Variants in POLR1C observed in about 807,000 individuals in gnomAD.
POLR1C encodes RNA polymerase I and III subunit C, also known as DNA-directed RNA polymerases I and III subunit RPAC1.
In POLR1C, 42 loss-of-function variants were observed where a neutral mutation model predicts 38.3. That is an observed-to-expected ratio of 1.10 (90% CI 0.86 to 1.42). The LOEUF (loss-of-function observed/expected upper bound fraction) is 1.42. POLR1C is among the 40% of genes most tolerant of loss of function. The pLI, the probability that POLR1C is intolerant of heterozygous loss-of-function variation, is 0.00. For missense variants in POLR1C, 507 were observed against 450.5 expected, an observed-to-expected ratio of 1.13 and a Z score of -1.14; for synonymous variants, 163 against 163.9, an observed-to-expected ratio of 0.99 and a Z score of 0.04.
chr6:43,553,708 T>G, intron 10 of POLR1C: 6 of 1,112,884 alleles, frequency 5.4e-6, no homozygotes, highest in Non-Finnish European at 7.1e-6. Flanking sequence ...AGGTGAAGGT[T>G]CCTACCATGC....
chr6:43,546,573 T>C, intron 9 of POLR1C: 1 of 1,606,858 alleles, frequency 6.2e-7, no homozygotes. Context: ...TGACTCACCT[T>C]ATAAGCGCAA....
At chr6:43,519,048 A>C (rs983576219) in intron 2 of POLR1C, 1 of 462,742 alleles carries the variant, frequency 2.2e-6, no homozygotes, top group Non-Finnish European at 4.0e-6. Flanking sequence ...AGTGTCAACA[A>C]AACTAAGCAC....
intron 10 of POLR1C, chr6:43,556,098 TA>T: frequency 8.5e-7 from 1 of 1,171,908 alleles, no homozygotes; most frequent in Non-Finnish European, 1.2e-6. Flanking sequence ...GCTTTGCATG[TA>T]ATAATCACTC....
intron 10 of POLR1C, among the ~76,000 whole-genome samples, chr6:43,561,225 T>C (rs751248378): frequency 6.6e-6 from 1 of 152,032 alleles, no homozygotes; most frequent in African/African-American, 2.4e-5. Flanking sequence ...TACTCAATCA[T>C]CATCATTAAA....
At chr6:43,521,813 G>A (rs149779649), downstream of POLR1C, among the ~76,000 whole-genome samples, 244 of 152,296 alleles carry the variant, frequency 1.6e-3, no homozygotes, top group African/African-American at 5.5e-3. Context: ...GATTACAGGT[G>A]TGAGCCACCG....
Position 43,526,681 on chromosome 6 carries a change from T to C in POLR1C, c.923-2568T>C, listed in dbSNP as rs780215137. Reference sequence around the variant, plus strand: ...GAACTCCAAGGTCTCACAGGCTCACTTACCGTCTCCATCTGCTGGGGGAGC... The same window carrying C: ...GAACTCCAAGGTCTCACAGGCTCACCTACCGTCTCCATCTGCTGGGGGAGC... On this transcript the variant is annotated intron_variant, in intron 8 of 8. Coordinates refer to the POLR1C transcript ENST00000304004. The C allele has an allele frequency of 6.2e-6, 10 of 1,613,882 alleles. No individual in the cohort carries two copies. In the South Asian group the frequency reaches 1.1e-4, roughly 18 times the overall value.
chr6:43,538,945 G>A (rs911963996), intron 9 of POLR1C: 18 of 1,331,626 alleles, frequency 1.4e-5, no homozygotes, highest in Admixed American at 5.1e-5. Flanking sequence ...TCCAGAGGTC[G>A]GGGGTCAGGT....
chr6:43,536,398 C>G (rs111994270), intron 9 of POLR1C, among the ~76,000 whole-genome samples: 4,924 of 143,324 alleles, frequency 0.034, 258 homozygotes, highest in African/African-American at 0.12. Flanking sequence ...CTGCGCAACA[C>G]AGTGAGACTC....
chr6:43,541,971 G>A (rs971937291), intron 9 of POLR1C, among the ~76,000 whole-genome samples: 3 of 151,940 alleles, frequency 2.0e-5, no homozygotes, highest in African/African-American at 7.3e-5. Context: ...GTAGAGATGG[G>A]GTTTCACCAT....
chr6:43,521,692 TC>T (rs1223198921), downstream of POLR1C, among the ~76,000 whole-genome samples: 1 of 151,938 alleles, frequency 6.6e-6, no homozygotes, highest in Non-Finnish European at 1.5e-5. Flanking sequence ...TAGCTATATG[TC>T]TAATTTTTTG....
At chr6:43,531,398 G>T, downstream of POLR1C, 1 of 1,320,584 alleles carries the variant, frequency 7.6e-7, no homozygotes, top group Non-Finnish European at 1.1e-6. Context: ...CTGTACACTA[G>T]ATGAAAAGTC....
At chr6:43,533,432 A>G (rs1239121728), downstream of POLR1C, 1 of 153,126 alleles carries the variant, frequency 6.5e-6, no homozygotes, top group Non-Finnish European at 1.5e-5. Flanking sequence ...ATAATGAAGT[A>G]AATACACTTG....
At chr6:43,526,712 T>G in intron 8 of POLR1C, 2 of 1,613,988 alleles carry the variant, frequency 1.2e-6, no homozygotes, top group Non-Finnish European at 1.7e-6. Context: ...GGAGCACTAC[T>G]GTGGTCAGCA....
chr6:43,537,874 C>T (rs1794433638), intron 9 of POLR1C, among the ~76,000 whole-genome samples: 1 of 151,848 alleles, frequency 6.6e-6, no homozygotes, highest in Non-Finnish European at 1.5e-5. Flanking sequence ...TGAGACCAGC[C>T]TGGGTAACAT....
At chr6:43,558,261 G>C (rs1040253501) in intron 10 of POLR1C, among the ~76,000 whole-genome samples, 3 of 152,092 alleles carry the variant, frequency 2.0e-5, no homozygotes, top group Admixed American at 6.6e-5. Context: ...TCTTAAGTAT[G>C]GTTACCATCC....
intron 9 of POLR1C, chr6:43,546,705 G>A (rs1561874935): frequency 6.2e-7 from 1 of 1,611,948 alleles, no homozygotes; most frequent in East Asian, 2.2e-5. Context: ...CAGTGGGCCA[G>A]CAAGTTCGTT....
intron 10 of POLR1C, chr6:43,561,334 C>T (rs1762404090): frequency 8.0e-6 from 2 of 250,332 alleles, no homozygotes; most frequent in Admixed American, 5.0e-5. Context: ...TACCTATTCA[C>T]ATCTCTGTGT....
At chr6:43,519,499 C>G in intron 3 of POLR1C, 59 bp downstream of exon 3, 1 of 1,381,218 alleles carries the variant, frequency 7.2e-7, no homozygotes, top group Non-Finnish European at 1.0e-6. Context: ...TGACACCTCA[C>G]TTGGAGAATT....
chr6:43,525,971 G>T, downstream of POLR1C: 1 of 1,595,618 alleles, frequency 6.3e-7, no homozygotes, highest in Middle Eastern at 1.7e-4. Flanking sequence ...GAACAGAGAA[G>T]AATATCTTGT....
Sources: gnomAD v4.1 joint callset for allele counts (sites outside exome capture counted in the v4.1 genomes callset) on GRCh38, gnomAD v4.1.1 for gene constraint, MANE v1.5 for transcripts, NCBI Gene and HGNC (gene_info 2026-07-23, HGNC 2026-07-21) for gene names.